Variants in WWOX observed in about 807,000 individuals in gnomAD.
WWOX encodes WW domain containing oxidoreductase, also known as WW domain-containing oxidoreductase.
WWOX carries 69 observed loss-of-function variants against 46.2 expected under a neutral mutation model. The observed-to-expected ratio is 1.49, with a 90% CI of 1.23 to 1.82. The LOEUF (loss-of-function observed/expected upper bound fraction) is 1.82. WWOX is among the 40% of genes most tolerant of loss of function. The pLI is 0.00. For synonymous variants in WWOX, 359 were observed against 202.6 expected, an observed-to-expected ratio of 1.77 and a Z score of -6.56; for missense variants, 919 against 542.6, an observed-to-expected ratio of 1.69 and a Z score of -6.89.
At chr16:78,803,565 G>T (rs575010761) in intron 8 of WWOX, among the ~76,000 whole-genome samples, 1 of 152,208 alleles carries the variant, frequency 6.6e-6, no homozygotes, top group Non-Finnish European at 1.5e-5. Flanking sequence ...TCCTGCCTCA[G>T]CCTCCCAAGT....
chr16:78,707,915 A>G (rs76706503), intron 8 of WWOX, among the ~76,000 whole-genome samples: 2,147 of 152,290 alleles, frequency 0.014, 47 homozygotes, highest in African/African-American at 0.049. Context: ...TCACAATGCT[A>G]TTCGGTTGGT....
intron 8 of WWOX, among the ~76,000 whole-genome samples, chr16:78,593,532 T>C (rs7184757): frequency 0.19 from 28,267 of 152,108 alleles, 4,237 homozygotes; most frequent in African/African-American, 0.42. Flanking sequence ...CAGTTCCTGA[T>C]TCCCGGCCAC....
intron 8 of WWOX, among the ~76,000 whole-genome samples, chr16:78,562,402 A>G (rs2044460952): frequency 6.6e-6 from 1 of 152,020 alleles, no homozygotes; most frequent in Non-Finnish European, 1.5e-5. Context: ...TTAGATTCAC[A>G]CTCCAGGAAT....
intron 8 of WWOX, among the ~76,000 whole-genome samples, chr16:78,632,323 A>G (rs2046451572): frequency 6.6e-6 from 1 of 152,174 alleles, no homozygotes; most frequent in East Asian, 1.9e-4. Flanking sequence ...GTAGAATAGT[A>G]TTTGACACAG....
chr16:79,087,136 G>C (rs982233277), intron 8 of WWOX, among the ~76,000 whole-genome samples: 2 of 152,172 alleles, frequency 1.3e-5, no homozygotes, highest in African/African-American at 2.4e-5. Context: ...GAAGCCAAGT[G>C]GCATGATGAG....
rs569716877 is a variant in WWOX, at chr16:78,230,305, A to G, written c.516+66016A>G. 2.0e-5 allele frequency among the ~76,000 whole-genome samples: 3 copies of G among 152,306 alleles called. No individual in the cohort carries two copies. In the South Asian group the frequency reaches 6.2e-4, roughly 32 times the overall value. ...CTGCAGTTATGTTTGTGATGCTCTA[A>G]TGAACTTACAAAAGGCCAGGCCTAG... is the stretch of plus-strand genomic sequence containing the variant. On this transcript the variant is annotated intron_variant, in intron 5 of 8. Transcript: ENST00000566780.
rs117518657 is a variant in WWOX at position 78,764,022 on chromosome 16, A to G, written c.1056+331270A>G. 2.4e-3 allele frequency among the ~76,000 whole-genome samples: 363 copies of G among 152,256 alleles called. 1 individual carries two copies. The highest frequency in any genetic ancestry group is 3.9e-3 in the Non-Finnish European group (267 of 68,026). ...GGGCCTCTGCCCAGATCATGCTTGG[A>G]GTGGCACCAGCTGCGTAGGATATGT... On this transcript the variant is annotated intron_variant, in intron 8 of 8. Transcript: ENST00000566780.
chr16:79,209,044 T>C (rs552076464), intron 8 of WWOX, among the ~76,000 whole-genome samples: 7 of 152,114 alleles, frequency 4.6e-5, no homozygotes, highest in African/African-American at 1.4e-4. Context: ...TCCTGTGTAC[T>C]GTGTTCTACA....
At chr16:78,745,399 C>T (rs944888188) in intron 8 of WWOX, among the ~76,000 whole-genome samples, 2 of 152,134 alleles carry the variant, frequency 1.3e-5, no homozygotes, top group African/African-American at 2.4e-5. Flanking sequence ...ATTCTTCTTG[C>T]CGGCCTCTCC....
At chr16:79,060,133 C>A (rs369017073) in intron 8 of WWOX, among the ~76,000 whole-genome samples, 3 of 152,168 alleles carry the variant, frequency 2.0e-5, no homozygotes, top group South Asian at 2.1e-4. Context: ...CACCATTGTC[C>A]TCACCTATAC....
chr16:79,113,838 C>A (rs191710932), intron 8 of WWOX, among the ~76,000 whole-genome samples: 1 of 152,340 alleles, frequency 6.6e-6, no homozygotes, highest in East Asian at 1.9e-4. Flanking sequence ...AAGAGCTAGA[C>A]CCCCTTAATG....
intron 8 of WWOX, among the ~76,000 whole-genome samples, chr16:79,072,706 A>G (rs1387735259): frequency 2.6e-5 from 4 of 152,242 alleles, no homozygotes; most frequent in African/African-American, 9.6e-5. Flanking sequence ...CGTCATCATC[A>G]GGGCCACAAC....
chr16:78,291,088 C>G (rs1359334244), intron 5 of WWOX, among the ~76,000 whole-genome samples: 3 of 152,096 alleles, frequency 2.0e-5, no homozygotes, highest in Admixed American at 6.6e-5. Context: ...CTCTCTCTTT[C>G]TTCTTTTGGT....
At chr16:78,576,370 T>A (rs768089253) in intron 8 of WWOX, among the ~76,000 whole-genome samples, 5 of 152,222 alleles carry the variant, frequency 3.3e-5, no homozygotes, top group African/African-American at 4.8e-5. Flanking sequence ...CCAAAAGACA[T>A]AGCTTGGTTT....
At chr16:78,154,177 A>T (rs567738597) in intron 4 of WWOX, among the ~76,000 whole-genome samples, 9 of 151,834 alleles carry the variant, frequency 5.9e-5, no homozygotes, top group Non-Finnish European at 1.2e-4. Flanking sequence ...GGCTTTGTAG[A>T]TTTTTTTTGC....
At chr16:78,514,771 T>A (rs116359214) in intron 8 of WWOX, among the ~76,000 whole-genome samples, 3 of 152,160 alleles carry the variant, frequency 2.0e-5, no homozygotes, top group Admixed American at 6.5e-5. Context: ...AAAATAGATA[T>A]ACATAAATAA....
At chr16:79,048,834 G>T (rs1243593879) in intron 8 of WWOX, among the ~76,000 whole-genome samples, 1 of 152,126 alleles carries the variant, frequency 6.6e-6, no homozygotes, top group Admixed American at 6.5e-5. Flanking sequence ...CATTGTAGCT[G>T]CCCTGATGTT....
intron 8 of WWOX, among the ~76,000 whole-genome samples, chr16:78,935,304 T>C (rs1045376573): frequency 3.3e-5 from 5 of 152,130 alleles, no homozygotes; most frequent in South Asian, 2.1e-4. Flanking sequence ...CACATGCACA[T>C]GTATGTTTAT....
chr16:78,963,751 A>G (rs547552063), intron 8 of WWOX, among the ~76,000 whole-genome samples: 21 of 152,216 alleles, frequency 1.4e-4, no homozygotes, highest in Non-Finnish European at 2.4e-4. Context: ...TAAGATACAG[A>G]AAGTGGGCCT....
Sources: allele counts gnomAD v4.1 joint callset (sites outside exome capture counted in the v4.1 genomes callset), GRCh38; gene constraint gnomAD v4.1.1; transcripts MANE v1.5; gene names NCBI Gene and HGNC (gene_info 2026-07-23, HGNC 2026-07-21).